The following FAM169A variants were observed in gnomAD, a reference collection of about 807,000 sequenced individuals.
The protein encoded by FAM169A is soluble lamin-associated protein of 75 kDa.
Under a neutral mutation model 75.7 loss-of-function variants are expected in FAM169A, and 24 were observed. The ratio of observed to expected loss-of-function variants is 0.32; its 90% CI spans 0.23 to 0.45. The LOEUF is 0.45. FAM169A is among the 20% of genes least tolerant of loss of function. The pLI is 1.00. For synonymous variants in FAM169A, 271 were observed against 271.0 expected (o/e 1.00, Z 0.00); for missense variants, 673 against 784.0 (o/e 0.86, Z 1.69).
intron 11 of FAM169A, among the ~76,000 whole-genome samples, chr5:74,790,530 A>G (rs1745921719): frequency 6.6e-6 from 1 of 152,192 alleles, no homozygotes; most frequent in African/African-American, 2.4e-5. Flanking sequence ...GAAAAAATGA[A>G]GTTATTTGTA....
chr5:74,785,668 A>T (rs1365143725), intron 11 of FAM169A, among the ~76,000 whole-genome samples: 1 of 152,188 alleles, frequency 6.6e-6, no homozygotes, highest in African/African-American at 2.4e-5. Flanking sequence ...AGGCTAAAGC[A>T]TGAGAATCGC....
At chr5:74,859,139 G>C (rs1220365111) in intron 1 of FAM169A, among the ~76,000 whole-genome samples, 1 of 151,610 alleles carries the variant, frequency 6.6e-6, no homozygotes, top group Admixed American at 6.6e-5. Context: ...GCTTGAACCC[G>C]GGAGGCGGAG....
intron 6 of FAM169A, among the ~76,000 whole-genome samples, chr5:74,812,445 CT>C (rs756133796): frequency 4.5e-3 from 646 of 143,946 alleles, no homozygotes; most frequent in Middle Eastern, 7.5e-3. Flanking sequence ...ACTTTTTAAA[CT>C]TTTTTTTTTT....
chr5:74,815,248 G>A (rs182440952), intron 5 of FAM169A, among the ~76,000 whole-genome samples: 4 of 151,490 alleles, frequency 2.6e-5, no homozygotes, highest in African/African-American at 4.8e-5. Context: ...GGAGGGCAAT[G>A]GCACGATTTC....
At chr5:74,857,588 A>G (rs975891534) in intron 1 of FAM169A, among the ~76,000 whole-genome samples, 1 of 110,616 alleles carries the variant, frequency 9.0e-6, no homozygotes, top group Admixed American at 8.5e-5. Flanking sequence ...AAAAAAAAAA[A>G]AAAAAAAAAA....
In FAM169A at chr5:74,796,088, C is replaced by T; in HGVS notation, c.1202G>A (p.Arg401Lys). Residue 401 changes from arginine (R) to lysine (K), a missense_variant, in exon 11 of 13, where the codon AGA (arginine) becomes AAA (lysine). Physicochemically the swap from Arg to Lys is conservative, Grantham distance 26. Coordinates refer to ENST00000687041, the MANE Select transcript of FAM169A (RefSeq NM_001376049.1). Reference protein sequence around the residue: ...GIEFEDESSDRDARPALETQP... With the variant: ...GIEFEDESSDKDARPALETQP... Reference sequence around the variant, plus strand: ...GGTTTCCAGTGCTGGCCGTGCATCTCTATCACTGCTTTCATCCTCAAATTC... The same window carrying T: ...GGTTTCCAGTGCTGGCCGTGCATCTTTATCACTGCTTTCATCCTCAAATTC... 6.2e-7 allele frequency: 1 copy of T among 1,614,156 alleles called. No individual in the cohort carries two copies. Among genetic ancestry groups the T allele is most frequent in the African/African-American group, 1.3e-5 (1 of 75,048 alleles).
Position 74,781,607 on chromosome 5 carries a change from C to A in FAM169A, c.1866G>T (p.Leu622=). The A allele has an allele frequency of 6.2e-7, 1 of 1,614,128 alleles. No individual in the cohort carries two copies. Among genetic ancestry groups the A allele is most frequent in the Middle Eastern group, 1.6e-4 (1 of 6,062 alleles). Residue 622 remains leucine (L), a synonymous_variant, in exon 13 of 13, where the codon CTG becomes CTT. Transcript: ENST00000687041. The part of the protein sequence containing the change: ...EEQSEASSEQ[L]DQFTQSAEKA... ...TTTCTGCCGATTGTGTAAACTGATC[C>A]AGTTGCTCGGAAGATGCTTCAGACT...
At chr5:74,798,786 C>T (rs1418736380) in intron 10 of FAM169A, among the ~76,000 whole-genome samples, 1 of 152,158 alleles carries the variant, frequency 6.6e-6, no homozygotes, top group Non-Finnish European at 1.5e-5. Flanking sequence ...AACTAAATTC[C>T]TGAAGGAATT....
At chr5:74,855,774 C>G (rs1749676627) in intron 1 of FAM169A, among the ~76,000 whole-genome samples, 1 of 152,204 alleles carries the variant, frequency 6.6e-6, no homozygotes, top group Non-Finnish European at 1.5e-5. Context: ...TATGCAGAAG[C>G]TTTTTAACTT....
intron 11 of FAM169A, among the ~76,000 whole-genome samples, chr5:74,785,634 C>T (rs1745658148): frequency 1.3e-5 from 2 of 152,168 alleles, no homozygotes; most frequent in South Asian, 4.1e-4. Flanking sequence ...CATGGTGGCA[C>T]ATGCCTAATT....
intron 1 of FAM169A, among the ~76,000 whole-genome samples, chr5:74,857,449 G>A (rs1472970561): frequency 6.6e-6 from 1 of 151,648 alleles, no homozygotes; most frequent in Non-Finnish European, 1.5e-5. Context: ...TACTCAGGGG[G>A]CTGAGGGAGA....
chr5:74,860,641 T>A (rs1209487694), intron 1 of FAM169A, among the ~76,000 whole-genome samples: 2 of 152,008 alleles, frequency 1.3e-5, no homozygotes, highest in Non-Finnish European at 2.9e-5. Context: ...TACCAGTGTA[T>A]ATATTTGGTA....
rs142888462 is a variant in FAM169A, at chr5:74,810,233, C to A, written c.670+3607G>T. ...TAGAAGTAGAGATACCATATATTTC[C>A]ATTTTTCATGAAACTCTAGAAAAAT... On this transcript the variant is annotated intron_variant, in intron 6 of 12. Transcript: ENST00000687041. Among the ~76,000 whole-genome samples, 5 of 152,262 alleles carry A rather than the reference C, an allele frequency of 3.3e-5. No homozygotes were observed. The East Asian group carries it at 7.7e-4, about 24-fold the overall frequency.
intron 4 of FAM169A, among the ~76,000 whole-genome samples, chr5:74,835,113 C>G (rs1748503990): frequency 6.6e-6 from 1 of 151,870 alleles, no homozygotes; most frequent in Admixed American, 6.6e-5. Context: ...TGTGTCTCAT[C>G]TTTTCCTGGT....
rs1216791773 is a variant in FAM169A, at chr5:74,842,112, C to CA, written c.-3-434dup. The stretch of plus-strand genomic sequence containing the variant: ...GATAGCTGCACAACCCTATAAATTT[C>CA]AAAAAAAAAAAAATCTAAAAAAAAT... On this transcript the variant is annotated intron_variant, in intron 1 of 12. Coordinates refer to ENST00000687041, the MANE Select transcript of FAM169A (RefSeq NM_001376049.1). Among the ~76,000 whole-genome samples, 277 of 138,832 alleles carry CA rather than the reference C, an allele frequency of 2.0e-3. 2 individuals carry two copies. The highest frequency in any genetic ancestry group is 4.3e-3 in the African/African-American group (165 of 38,216). The allele number at this position is 138,832 out of a possible 152,430, so 91.1% of individuals were successfully genotyped here.
chr5:74,846,620 A>G (rs1749169929), intron 1 of FAM169A, among the ~76,000 whole-genome samples: 1 of 152,240 alleles, frequency 6.6e-6, no homozygotes, highest in South Asian at 2.1e-4. Context: ...TAAAGAATCC[A>G]AAGTCATAAC....
chr5:74,793,794 G>A (rs1746106118), intron 11 of FAM169A, among the ~76,000 whole-genome samples: 1 of 151,980 alleles, frequency 6.6e-6, no homozygotes, highest in Non-Finnish European at 1.5e-5. Context: ...ACACGGTCAG[G>A]AGATCAAGAC....
At chr5:74,807,413 G>C (rs375505585) in intron 6 of FAM169A, among the ~76,000 whole-genome samples, 35 of 152,264 alleles carry the variant, frequency 2.3e-4, no homozygotes, top group African/African-American at 8.2e-4. Flanking sequence ...AGCTGTGATT[G>C]GCAGCCACTG....
intron 6 of FAM169A, among the ~76,000 whole-genome samples, chr5:74,805,992 A>T (rs1468767996): frequency 1.3e-5 from 2 of 151,526 alleles, no homozygotes; most frequent in Non-Finnish European, 2.9e-5. Flanking sequence ...AAAAAAAAAA[A>T]AGAAATAATA....
Sources: allele counts gnomAD v4.1 joint callset (sites outside exome capture counted in the v4.1 genomes callset), GRCh38; gene constraint gnomAD v4.1.1; transcripts MANE v1.5; gene names NCBI Gene and HGNC (gene_info 2026-07-23, HGNC 2026-07-21).